PDE10A: variants seen among roughly 807,000 people sequenced by gnomAD.
The protein encoded by PDE10A is cAMP and cAMP-inhibited cGMP 3',5'-cyclic phosphodiesterase 10A.
In PDE10A, 39 loss-of-function variants were observed where a neutral mutation model predicts 97.7. The observed-to-expected ratio is 0.40, with a 90% confidence interval of 0.31 to 0.52. The LOEUF (loss-of-function observed/expected upper bound fraction) is 0.52. Ranked by LOEUF, PDE10A falls within the 20% of genes least tolerant of loss-of-function variation. The pLI, the probability that PDE10A is intolerant of heterozygous loss-of-function variation, is 0.56. For missense variants in PDE10A, 731 were observed against 1,047.8 expected (o/e 0.70, Z 4.17); for synonymous variants, 371 against 376.8 (o/e 0.98, Z 0.18).
chr6:165,952,349 G>A (rs548326570), intron 1 of PDE10A, among the ~76,000 whole-genome samples: 43 of 152,266 alleles, frequency 2.8e-4, no homozygotes, highest in Middle Eastern at 3.4e-3. Flanking sequence ...CATACATTAC[G>A]TATTATCTTG....
At chr6:165,686,374 T>G (rs905764598) in intron 1 of PDE10A, among the ~76,000 whole-genome samples, 2 of 152,166 alleles carry the variant, frequency 1.3e-5, no homozygotes, top group Admixed American at 1.3e-4. Context: ...ACCTTCTGCT[T>G]AGGCTTCCCC....
chr6:165,620,907 G>C (rs1026287881), intron 1 of PDE10A, among the ~76,000 whole-genome samples: 8 of 151,894 alleles, frequency 5.3e-5, no homozygotes, highest in Non-Finnish European at 1.0e-4. Context: ...TGTAGTCCCA[G>C]CTACTAGGGA....
At chr6:165,837,208 AAG>A (rs1296700361) in intron 1 of PDE10A, among the ~76,000 whole-genome samples, 4 of 152,184 alleles carry the variant, frequency 2.6e-5, no homozygotes, top group Non-Finnish European at 5.9e-5. Context: ...ATAAAAAAAA[AAG>A]AGTAATACAA....
In PDE10A at chr6:165,771,776, C is replaced by T. The variant is rs561696136; in HGVS notation, c.-615+215753G>A. On this transcript the variant is annotated intron_variant, in intron 1 of 19. Transcript: ENST00000366882. ...ATGGCAGGATTGGGAAGTTGGGGGA[C>T]TATCTCACCTCTGCCTACACGAGAA... is the stretch of plus-strand genomic sequence containing the variant. Among the ~76,000 whole-genome samples, 92 of 152,088 alleles carry T rather than the reference C, an allele frequency of 6.0e-4. 3 individuals are homozygous for T. In the South Asian group the frequency reaches 0.013, roughly 22 times the overall value.
chr6:165,682,055 T>G (rs1790991953), intron 1 of PDE10A, among the ~76,000 whole-genome samples: 1 of 152,226 alleles, frequency 6.6e-6, no homozygotes, highest in South Asian at 2.1e-4. Flanking sequence ...ACATGCTGAT[T>G]TCCCACCAAT....
At chr6:165,397,144 G>T (rs983922140) in intron 13 of PDE10A, among the ~76,000 whole-genome samples, 1 of 152,106 alleles carries the variant, frequency 6.6e-6, no homozygotes, top group African/African-American at 2.4e-5. Flanking sequence ...GAAATCTTGT[G>T]TATCTGTATC....
chr6:165,444,323 T>G (rs980984519), intron 5 of PDE10A, among the ~76,000 whole-genome samples: 6 of 152,166 alleles, frequency 3.9e-5, no homozygotes, highest in Non-Finnish European at 8.8e-5. Flanking sequence ...TTAAATACAT[T>G]AAAGTTAGGG....
chr6:165,776,134 T>C (rs1467683682), intron 1 of PDE10A, among the ~76,000 whole-genome samples: 1 of 152,222 alleles, frequency 6.6e-6, no homozygotes, highest in Non-Finnish European at 1.5e-5. Context: ...TCTTCACAAA[T>C]ATTTTTAGCT....
intron 1 of PDE10A, among the ~76,000 whole-genome samples, chr6:165,620,069 G>A (rs3008023): frequency 0.11 from 17,121 of 151,608 alleles, 974 homozygotes; most frequent in African/African-American, 0.14. Context: ...CCACATTTCT[G>A]TCTTTCCCTA....
intron 18 of PDE10A, among the ~76,000 whole-genome samples, chr6:165,364,467 C>G (rs57860024): frequency 0.013 from 1,933 of 152,246 alleles, 37 homozygotes; most frequent in African/African-American, 0.044. Flanking sequence ...TTATAAGCCA[C>G]CCAGTCTATG....
At chr6:165,840,646 C>T (rs542512156) in intron 1 of PDE10A, among the ~76,000 whole-genome samples, 33 of 152,250 alleles carry the variant, frequency 2.2e-4, no homozygotes, top group Admixed American at 6.5e-4. Context: ...GCACACTTGC[C>T]GTTCTAGCAT....
At chr6:165,468,932 T>C (rs1448667003) in intron 3 of PDE10A, among the ~76,000 whole-genome samples, 1 of 152,250 alleles carries the variant, frequency 6.6e-6, no homozygotes, top group Admixed American at 6.5e-5. Flanking sequence ...GCTCCTCTGT[T>C]GCAGCAGTTT....
intron 17 of PDE10A, among the ~76,000 whole-genome samples, chr6:165,384,205 A>C (rs1201211567): frequency 6.6e-6 from 1 of 152,154 alleles, no homozygotes; most frequent in Non-Finnish European, 1.5e-5. Context: ...GCGGAAAAAC[A>C]GACAAAATAC....
chr6:165,413,421 A>G, intron 13 of PDE10A, 80 bp downstream of exon 13: 1 of 914,282 alleles, frequency 1.1e-6, no homozygotes. Flanking sequence ...GAAAAAAAAA[A>G]AGCCCTTAAG....
intron 1 of PDE10A, among the ~76,000 whole-genome samples, chr6:165,594,436 T>G (rs1786464538): frequency 6.6e-6 from 1 of 152,028 alleles, no homozygotes; most frequent in Non-Finnish European, 1.5e-5. Flanking sequence ...AGAATAGAAA[T>G]GGTAATATAT....
At chr6:165,430,236 A>G in intron 9 of PDE10A, 51 bp downstream of exon 9, 1 of 1,334,928 alleles carries the variant, frequency 7.5e-7, no homozygotes, top group Non-Finnish European at 1.1e-6. Context: ...GCTGCCCTTA[A>G]TTTAAACCAT....
intron 18 of PDE10A, among the ~76,000 whole-genome samples, chr6:165,362,606 C>T (rs1000304585): frequency 1.3e-5 from 2 of 152,084 alleles, no homozygotes; most frequent in Non-Finnish European, 2.9e-5. Flanking sequence ...CATCTATACC[C>T]ACATGACTTC....
intron 13 of PDE10A, 24 bp from the exon 14 acceptor site, chr6:165,396,483 A>C: frequency 6.3e-7 from 1 of 1,578,998 alleles, no homozygotes. Context: ...CCAAAAAAAA[A>C]ACCCCCAAAA....
At chr6:165,774,837 T>C (rs937403523) in intron 1 of PDE10A, 48 of 149,066 alleles carry the variant, frequency 3.2e-4, no homozygotes, top group Admixed American at 8.6e-4. Context: ...TTTTCTTTTT[T>C]TTTTTTTTTT....
Sources: gnomAD v4.1 joint callset for allele counts (sites outside exome capture counted in the v4.1 genomes callset) on GRCh38, gnomAD v4.1.1 for gene constraint, MANE v1.5 for transcripts, NCBI Gene and HGNC (gene_info 2026-07-23, HGNC 2026-07-21) for gene names.